GID4: variants seen among roughly 807,000 people sequenced by gnomAD.
GID4 encodes GID complex subunit 4 homolog.
In GID4, 7 loss-of-function variants were observed where a neutral mutation model predicts 32.4. The ratio of observed to expected loss-of-function variants is 0.22; its 90% CI spans 0.12 to 0.41. The LOEUF is 0.41. Among genes scored for constraint, GID4 ranks in the 10% least tolerant of loss-of-function variants. GID4 has a pLI of 1.00. For missense variants in GID4, 309 were observed against 400.0 expected, an observed-to-expected ratio of 0.77 and a Z score of 1.94; for synonymous variants, 166 against 170.0, an observed-to-expected ratio of 0.98 and a Z score of 0.18.
At chr17:18,052,729 C>A (rs572549883) in intron 2 of GID4, among the ~76,000 whole-genome samples, 1 of 152,144 alleles carries the variant, frequency 6.6e-6, no homozygotes, top group East Asian at 1.9e-4. Context: ...AACACATGAA[C>A]AAAGAGCAAT....
chr17:18,050,457 G>A (rs1019783380), intron 2 of GID4, among the ~76,000 whole-genome samples: 1 of 152,184 alleles, frequency 6.6e-6, no homozygotes, highest in Non-Finnish European at 1.5e-5. Flanking sequence ...CAGCTTTCAG[G>A]GGTTACCTGG....
intron 1 of GID4, among the ~76,000 whole-genome samples, chr17:18,040,135 C>G (rs1431133945): frequency 3.9e-5 from 6 of 152,140 alleles, no homozygotes; most frequent in African/African-American, 9.7e-5. Context: ...TGGCGGACCC[C>G]GAACACTCCC....
chr17:18,039,687 C>G lies in GID4; in HGVS notation c.223C>G (p.Pro75Ala). 4.1e-6 allele frequency: 6 copies of G among 1,464,282 alleles called. No individual in the cohort carries two copies. Among genetic ancestry groups the G allele is most frequent in the Non-Finnish European group, 3.6e-6 (4 of 1,107,656 alleles). The allele number at this position is 1,464,282 out of a possible 1,614,324, so 90.7% of individuals were successfully genotyped here. A position where few individuals can be genotyped will look rare whatever the true frequency, so the allele number is the denominator to read the frequency against. The change falls in exon 1 of 6, where the codon CCA (proline) becomes GCA (alanine). Residue 75 changes from proline (P) to alanine (A), a missense_variant. Physicochemically the swap from Pro to Ala is conservative, Grantham distance 27. Transcript: ENST00000268719. The surrounding 1 kb of genome is among the most constrained non-coding windows in gnomAD (Gnocchi z 5.3). ...AAAAVPLPLPPALAPGDPAMP... is the reference protein window; with the variant it reads ...AAAAVPLPLPAALAPGDPAMP... ...GGCGGCGGTTCCTCTCCCACTCCCC[C>G]CAGCCCTGGCTCCGGGGGACCCCGC...
In GID4 at chr17:18,065,307, T is replaced by C. The variant is rs2045051252; in HGVS notation, c.*64T>C. ...GCAAAAAAGAACTTTGCCGAGAAAA[T>C]TGTGTACCTGCCAGAACCAGGAGAA... On this transcript the variant is annotated 3_prime_UTR_variant, in exon 6 of 6. Transcript: ENST00000268719. 2.5e-6 allele frequency: 3 copies of C among 1,220,584 alleles called. No individual in the cohort carries two copies. The highest frequency in any genetic ancestry group is 2.3e-5 in the East Asian group (1 of 42,844). The allele number at this position is 1,220,584 out of a possible 1,614,324, so 75.6% of individuals were successfully genotyped here. A position where few individuals can be genotyped will look rare whatever the true frequency, so the allele number is the denominator to read the frequency against.
intron 5 of GID4, 85 bp from the exon 6 acceptor site, chr17:18,065,095 C>A: frequency 1.1e-6 from 1 of 933,678 alleles, no homozygotes; most frequent in Non-Finnish European, 1.8e-6. Flanking sequence ...TTGTTGGGTG[C>A]TCTGCTTTTT....
chr17:18,052,523 G>A (rs1317618922), intron 2 of GID4, among the ~76,000 whole-genome samples: 2 of 152,178 alleles, frequency 1.3e-5, no homozygotes, highest in African/African-American at 4.8e-5. Flanking sequence ...AGTCCTTGAT[G>A]TTAGGACTGT....
In GID4 at chr17:18,065,253, A is replaced by G; in HGVS notation, c.*10A>G. The stretch of plus-strand genomic sequence containing the variant: ...CTATGAATTCCGGTGACAACGGTTC[A>G]GAACAGCAACCAAATAAAACTGAAC... On this transcript the variant is annotated 3_prime_UTR_variant, in exon 6 of 6. Transcript: ENST00000268719. 6.2e-7 allele frequency: 1 copy of G among 1,609,734 alleles called. No individual in the cohort carries two copies. The highest frequency in any genetic ancestry group is 2.2e-5 in the East Asian group (1 of 44,868).
rs2044776047 is a variant in GID4 at position 18,040,053 on chromosome 17, CTG to C, written c.438+155_438+156del. 8.2e-6 allele frequency: 9 copies of C among 1,099,376 alleles called. No individual in the cohort carries two copies. In the East Asian group the frequency reaches 2.0e-4, roughly 25 times the overall value. 68.1% of individuals were successfully genotyped at this position (1,099,376 alleles called of 1,614,324 possible). On this transcript the variant is annotated intron_variant, in intron 1 of 5. Coordinates refer to ENST00000268719, the MANE Select transcript of GID4 (RefSeq NM_024052.5). ...GCTTCCCACCCGGGACCTTCCCAGCCTGTGTCTCACACTCTCCGAGCCCCAGC... is the reference window on the plus strand; with the variant it reads ...GCTTCCCACCCGGGACCTTCCCAGCCTGTCTCACACTCTCCGAGCCCCAGC...
chr17:18,039,909 GCCGGGCCGGGC>G lies in GID4; in HGVS notation c.438+9_438+19del. On this transcript the variant is annotated splice_region_variant and intron_variant, in intron 1 of 5. Coordinates refer to ENST00000268719, the MANE Select transcript of GID4 (RefSeq NM_024052.5). This position sits in a 1 kb window ranked among gnomAD's most constrained non-coding sequence, Gnocchi z 5.3. Reference sequence around the variant, plus strand: ...CGTAGAGGTGGTGCTGCAGGTGAGCGCCGGGCCGGGCCGGGGCCCGAGGGCCTCCTCGCGGC... The same window carrying G: ...CGTAGAGGTGGTGCTGCAGGTGAGCGCGGGGCCCGAGGGCCTCCTCGCGGC... 1 of 1,373,704 alleles carries G rather than the reference GCCGGGCCGGGC, an allele frequency of 7.3e-7. No individual in the cohort carries two copies. Among genetic ancestry groups the G allele is most frequent in the Non-Finnish European group, 9.5e-7 (1 of 1,053,712 alleles). The allele number at this position is 1,373,704 out of a possible 1,614,324, so 85.1% of individuals were successfully genotyped here. A position where few individuals can be genotyped will look rare whatever the true frequency, so the allele number is the denominator to read the frequency against.
chr17:18,042,950 CT>C (rs1567584011), intron 1 of GID4, among the ~76,000 whole-genome samples: 1 of 152,062 alleles, frequency 6.6e-6, no homozygotes, highest in Non-Finnish European at 1.5e-5. Context: ...ACTTTCTTTT[CT>C]GTGATTCTAG....
chr17:18,041,976 C>T (rs1249826603), intron 1 of GID4, among the ~76,000 whole-genome samples: 1 of 152,204 alleles, frequency 6.6e-6, no homozygotes, highest in Non-Finnish European at 1.5e-5. Flanking sequence ...CCAATGAATG[C>T]TGCCCTACAT....
chr17:18,052,163 T>C (rs2044917368), intron 2 of GID4, among the ~76,000 whole-genome samples: 1 of 152,064 alleles, frequency 6.6e-6, no homozygotes, highest in East Asian at 1.9e-4. Context: ...TTTTTCAGTC[T>C]ATGTATTTAA....
Position 18,061,715 on chromosome 17 carries a change from A to T in GID4, c.709-130A>T. 1.2e-6 allele frequency: 1 copy of T among 848,860 alleles called. No homozygotes were observed. Among genetic ancestry groups the T allele is most frequent in the South Asian group, 1.5e-5 (1 of 64,782 alleles). The allele number at this position is 848,860 out of a possible 1,614,324, so 52.6% of individuals were successfully genotyped here. ...CCCACGGGCCCGCCATCACCCAGCA[A>T]GTCTAGGTTAGACTATGAGATCCTA... On this transcript the variant is annotated intron_variant, in intron 4 of 5. Coordinates refer to ENST00000268719, the MANE Select transcript of GID4 (RefSeq NM_024052.5). The surrounding 1 kb of genome is among the most constrained non-coding windows in gnomAD (Gnocchi z 4.4).
chr17:18,062,093 A>C, intron 5 of GID4, 118 bp downstream of exon 5: 1 of 976,988 alleles, frequency 1.0e-6, no homozygotes, highest in Non-Finnish European at 1.6e-6. Context: ...TCTGTGCTTT[A>C]TTTGGATGCT....
At chr17:18,043,159 C>A (rs1218881186) in intron 1 of GID4, among the ~76,000 whole-genome samples, 2 of 152,120 alleles carry the variant, frequency 1.3e-5, no homozygotes, top group African/African-American at 4.8e-5. Flanking sequence ...AAACACGTGC[C>A]CTGTTATCTT....
intron 3 of GID4, chr17:18,056,723 T>C (rs781202897): frequency 1.3e-6 from 2 of 1,550,272 alleles, no homozygotes; most frequent in East Asian, 2.4e-5. Flanking sequence ...GATATCTGGA[T>C]CTGCAGACTC....
At chr17:18,048,531 C>T (rs1042038528) in intron 2 of GID4, among the ~76,000 whole-genome samples, 4 of 151,926 alleles carry the variant, frequency 2.6e-5, no homozygotes, top group South Asian at 2.1e-4. Flanking sequence ...ATATGGTTGC[C>T]GTAGATAATA....
At chr17:18,040,007 C>G in intron 1 of GID4, 105 bp downstream of exon 1, 2 of 1,247,744 alleles carry the variant, frequency 1.6e-6, no homozygotes, top group Non-Finnish European at 2.0e-6. Context: ...GCCCTCGCCG[C>G]CGGGGCCTCC....
chr17:18,056,155 C>T (rs1236975598), intron 3 of GID4, among the ~76,000 whole-genome samples: 1 of 152,132 alleles, frequency 6.6e-6, no homozygotes, highest in African/African-American at 2.4e-5. Context: ...ATGCCCAGCC[C>T]CAAGCTGTTT....
Sources: gnomAD v4.1 joint callset for allele counts (sites outside exome capture counted in the v4.1 genomes callset) on GRCh38, gnomAD v4.1.1 for gene constraint, Gnocchi (gnomAD v3.1) non-coding constraint, MANE v1.5 for transcripts, NCBI Gene and HGNC (gene_info 2026-07-23, HGNC 2026-07-21) for gene names.